Variants in RDH12 observed in about 807,000 individuals in gnomAD.
The protein encoded by RDH12 is all-trans and 9-cis retinol dehydrogenase.
Under a neutral mutation model 34.0 loss-of-function variants are expected in RDH12, and 21 were observed. The observed-to-expected ratio is 0.62, with a 90% CI of 0.44 to 0.89. The LOEUF (loss-of-function observed/expected upper bound fraction) is 0.89. Among genes scored for constraint, RDH12 ranks in the 40% least tolerant of loss-of-function variants. The pLI, the probability that RDH12 is intolerant of heterozygous loss-of-function variation, is 0.00. For synonymous variants in RDH12, 198 were observed against 169.9 expected, an observed-to-expected ratio of 1.17 and a Z score of -1.29; for missense variants, 394 against 398.6, an observed-to-expected ratio of 0.99 and a Z score of 0.10.
chr14:67,706,473 C>T (rs1242808535), intron 1 of RDH12, among the ~76,000 whole-genome samples: 2 of 152,082 alleles, frequency 1.3e-5, no homozygotes, highest in Non-Finnish European at 2.9e-5. Flanking sequence ...AGACACGGGA[C>T]ATCAATCAAC....
intron 3 of RDH12, 142 bp downstream of exon 3, chr14:67,722,852 T>C (rs553167531): frequency 6.2e-5 from 48 of 780,324 alleles, no homozygotes; most frequent in African/African-American, 5.8e-4. Flanking sequence ...GAAGGGGGTG[T>C]TGTGGATACC....
chr14:67,733,877 C>A lies in RDH12; in HGVS notation c.*29C>A. The A allele has an allele frequency of 6.6e-7, 1 of 1,514,246 alleles. No individual in the cohort carries two copies. Among genetic ancestry groups the A allele is most frequent in the Non-Finnish European group, 9.2e-7 (1 of 1,090,698 alleles). The allele number at this position is 1,514,246 out of a possible 1,614,324, so 93.8% of individuals were successfully genotyped here. A position where few individuals can be genotyped will look rare whatever the true frequency, so the allele number is the denominator to read the frequency against. On this transcript the variant is annotated 3_prime_UTR_variant, in exon 9 of 9. Transcript: ENST00000551171. Reference sequence around the variant, plus strand: ...GTGGAAGAGCTGCAGCTTTATCAGGCCCAATCCATGCCATAATGAACAGGG... The same window carrying A: ...GTGGAAGAGCTGCAGCTTTATCAGGACCAATCCATGCCATAATGAACAGGG...
intron 1 of RDH12, among the ~76,000 whole-genome samples, chr14:67,703,487 T>G (rs1430272466): frequency 6.6e-6 from 1 of 152,086 alleles, no homozygotes; most frequent in Non-Finnish European, 1.5e-5. Context: ...TCAACACAAG[T>G]AGAAAAGTCA....
At chr14:67,718,649 A>G (rs1464826298) in intron 1 of RDH12, among the ~76,000 whole-genome samples, 1 of 152,184 alleles carries the variant, frequency 6.6e-6, no homozygotes, top group Non-Finnish European at 1.5e-5. Context: ...CTTCAGGCCT[A>G]TTCCTACACT....
At chr14:67,720,309 A>G (rs2038110068) in intron 1 of RDH12, among the ~76,000 whole-genome samples, 2 of 152,162 alleles carry the variant, frequency 1.3e-5, no homozygotes, top group African/African-American at 4.8e-5. Flanking sequence ...AAAGCCTGTT[A>G]TGAATATTTC....
At chr14:67,713,732 G>A (rs571856980) in intron 1 of RDH12, among the ~76,000 whole-genome samples, 2 of 152,314 alleles carry the variant, frequency 1.3e-5, no homozygotes, top group East Asian at 1.9e-4. Flanking sequence ...AGGTCCTGAC[G>A]ACATGTGTCC....
intron 1 of RDH12, among the ~76,000 whole-genome samples, chr14:67,719,382 G>C (rs1273407997): frequency 1.3e-5 from 2 of 152,216 alleles, no homozygotes; most frequent in African/African-American, 4.8e-5. Flanking sequence ...TAAGCCATCA[G>C]TCTTAAGACC....
chr14:67,719,679 T>C (rs1389335252), intron 1 of RDH12, among the ~76,000 whole-genome samples: 1 of 152,064 alleles, frequency 6.6e-6, no homozygotes, highest in African/African-American at 2.4e-5. Context: ...GGTCTCACTA[T>C]GTTGCCCAGG....
intron 1 of RDH12, chr14:67,715,222 A>AAG (rs915282025): frequency 2.8e-4 from 42 of 152,134 alleles, no homozygotes; most frequent in African/African-American, 9.2e-4. Context: ...GTTAAAAAAT[A>AAG]AAAGGGGGGG....
At chr14:67,727,477 T>G (rs939980308) in intron 7 of RDH12, 21 of 340,220 alleles carry the variant, frequency 6.2e-5, no homozygotes, top group African/African-American at 3.5e-4. Flanking sequence ...AGGCTTTTTG[T>G]TTTTTTTGTT....
At chr14:67,724,399 T>A (rs776319260) in intron 3 of RDH12, 74 bp from the exon 4 acceptor site, 34 of 991,934 alleles carry the variant, frequency 3.4e-5, no homozygotes, top group Non-Finnish European at 5.1e-5. Flanking sequence ...AGAGTTTTTT[T>A]TTTTTTTTTT....
chr14:67,705,892 T>C (rs1046804037), intron 1 of RDH12: 8 of 152,286 alleles, frequency 5.3e-5, no homozygotes, highest in African/African-American at 1.9e-4. Context: ...TCAAAAAGTA[T>C]ACAGCCAAAA....
At chr14:67,706,387 C>T (rs896731331) in intron 1 of RDH12, 8 of 152,326 alleles carry the variant, frequency 5.3e-5, no homozygotes, top group South Asian at 2.1e-4. Context: ...CGTGTCCCCA[C>T]GACACAGCCT....
chr14:67,718,061 A>G (rs1215965930), intron 1 of RDH12, among the ~76,000 whole-genome samples: 1 of 152,196 alleles, frequency 6.6e-6, no homozygotes, highest in Non-Finnish European at 1.5e-5. Flanking sequence ...AGGAACAACA[A>G]GTCATTATTA....
chr14:67,712,825 C>T (rs1412265904), intron 1 of RDH12, among the ~76,000 whole-genome samples: 1 of 151,834 alleles, frequency 6.6e-6, no homozygotes, highest in Non-Finnish European at 1.5e-5. Context: ...TTTCAGTTGG[C>T]AGCTAGCAAA....
At chr14:67,723,224 T>A (rs993101465) in intron 3 of RDH12, among the ~76,000 whole-genome samples, 1 of 152,178 alleles carries the variant, frequency 6.6e-6, no homozygotes, top group East Asian at 1.9e-4. Flanking sequence ...AAAAGTGTGT[T>A]CTGAGTGGAG....
rs1279626673 is a variant in RDH12, at chr14:67,722,648, G to C, written c.6G>C (p.Leu2=). Residue 2 remains leucine (L), a synonymous_variant, in exon 3 of 9, where the codon CTG becomes CTC. Coordinates refer to ENST00000551171, the MANE Select transcript of RDH12 (RefSeq NM_152443.3). M[L]VTLGLLTSFF... ...CAGCTACAGAAGTTGGAACGATGCTGGTCACCTTGGGACTGCTCACCTCCT... is the reference window on the plus strand; with the variant it reads ...CAGCTACAGAAGTTGGAACGATGCTCGTCACCTTGGGACTGCTCACCTCCT... 2 of 1,613,690 alleles carry C rather than the reference G, an allele frequency of 1.2e-6. No homozygotes were observed. The highest frequency in any genetic ancestry group is 1.7e-6 in the Non-Finnish European group (2 of 1,179,632).
chr14:67,725,077 T>C, intron 4 of RDH12, 22 bp from the exon 5 acceptor site: 1 of 1,611,416 alleles, frequency 6.2e-7, no homozygotes, highest in Non-Finnish European at 8.5e-7. Context: ...AACATACTGC[T>C]CTTTTTTTGT....
intron 1 of RDH12, among the ~76,000 whole-genome samples, chr14:67,717,334 AG>A (rs2038079382): frequency 6.6e-6 from 1 of 152,222 alleles, no homozygotes; most frequent in Admixed American, 6.5e-5. Context: ...CAGCCATTGT[AG>A]ACTAATGGAG....
Sources: gnomAD v4.1 joint callset for allele counts (sites outside exome capture counted in the v4.1 genomes callset) on GRCh38, gnomAD v4.1.1 for gene constraint, MANE v1.5 for transcripts, NCBI Gene and HGNC (gene_info 2026-07-23, HGNC 2026-07-21) for gene names.